Variants in NAGLU observed in about 807,000 individuals in gnomAD.
NAGLU encodes the protein N-acetyl-alpha-glucosaminidase.
A neutral mutation model predicts 43.4 loss-of-function variants in NAGLU; 34 were observed. That is an observed-to-expected ratio of 0.78 (90% CI 0.60 to 1.04). NAGLU has a LOEUF of 1.04. Among genes scored for constraint, NAGLU ranks in the 50% least tolerant of loss-of-function variants. The pLI is 0.00. For synonymous variants in NAGLU, 425 were observed against 437.6 expected (o/e 0.97, Z 0.36); for missense variants, 910 against 993.7 (o/e 0.92, Z 1.13).
intron 1 of NAGLU, chr17:42,536,913 C>A: frequency 1.4e-6 from 1 of 729,168 alleles, no homozygotes; most frequent in Non-Finnish European, 2.1e-6. Context: ...ATTTGTGGTG[C>A]ACAATTGGTG....
intron 1 of NAGLU, 141 bp downstream of exon 1, chr17:42,536,796 G>T (rs1292311944): frequency 7.5e-7 from 1 of 1,327,380 alleles, no homozygotes; most frequent in East Asian, 3.1e-5. Context: ...GTGGCCTTGA[G>T]CCAGCCACTC....
intron 5 of NAGLU, 132 bp downstream of exon 5, chr17:42,541,338 A>C: frequency 7.4e-7 from 1 of 1,342,798 alleles, no homozygotes; most frequent in Non-Finnish European, 1.0e-6. Context: ...TAGTTTACCA[A>C]GCACGTGTAC....
chr17:42,536,665 C>G lies in NAGLU; in HGVS notation c.383+10C>G, dbSNP rs1599254060. 6.7e-7 allele frequency: 1 copy of G among 1,489,248 alleles called. No homozygotes were observed. Among genetic ancestry groups the G allele is most frequent in the East Asian group, 2.7e-5 (1 of 36,414 alleles). 92.3% of individuals were successfully genotyped at this position (1,489,248 alleles called of 1,614,324 possible). On this transcript the variant is annotated intron_variant, in intron 1 of 5. Transcript: ENST00000225927. The stretch of plus-strand genomic sequence containing the variant: ...AGGCCACGCCCAACAGGTACCGCCC[C>G]GAAGCTTCCCCGCGTCCGCCCGAGG...
At position 42,543,621 on chromosome 17, in the gene NAGLU, G is replaced by A; in HGVS notation, c.1615G>A (p.Ala539Thr). Residue 539 changes from alanine (A) to threonine (T), a missense_variant, in exon 6 of 6, where the codon GCC becomes ACC. By Grantham distance (58) the Ala-to-Thr change is moderately conservative. Coordinates refer to ENST00000225927, the MANE Select transcript of NAGLU (RefSeq NM_000263.4). ...GTACAACCGATCTGATGTGTTTGAG[G>A]CCTGGCGGCTGCTGCTCACATCTGC... ...IWYNRSDVFE[A>T]WRLLLTSAPS... The A allele has an allele frequency of 6.2e-7, 1 of 1,613,134 alleles. No individual in the cohort carries two copies. The highest frequency in any genetic ancestry group is 8.5e-7 in the Non-Finnish European group (1 of 1,180,014).
chr17:42,536,729 G>A, intron 1 of NAGLU, 74 bp downstream of exon 1: 4 of 1,360,306 alleles, frequency 2.9e-6, no homozygotes, highest in Non-Finnish European at 3.8e-6. Context: ...CCCAAATCGG[G>A]AGGCTGAGCG....
Position 42,544,017 on chromosome 17 carries a change from T to G in NAGLU, c.2011T>G (p.Tyr671Asp). Reference sequence around the variant, plus strand: ...GCTGGCGGGGTTGGTGGCCAACTACTACACCCCTCGCTGGCGGCTTTTCCT... The same window carrying G: ...GCTGGCGGGGTTGGTGGCCAACTACGACACCCCTCGCTGGCGGCTTTTCCT... Reference protein sequence around the residue: ...KQLAGLVANYYTPRWRLFLEA... With the variant: ...KQLAGLVANYDTPRWRLFLEA... The change falls in exon 6 of 6, where the codon TAC becomes GAC. Residue 671 changes from tyrosine to aspartate, a missense_variant. Coordinates refer to ENST00000225927, the MANE Select transcript of NAGLU (RefSeq NM_000263.4). The G allele has an allele frequency of 6.2e-7, 1 of 1,611,074 alleles. No individual in the cohort carries two copies. The highest frequency in any genetic ancestry group is 8.5e-7 in the Non-Finnish European group (1 of 1,178,708).
chr17:42,544,184 G>T lies in NAGLU; in HGVS notation c.2178G>T (p.Leu726=). 6.2e-7 allele frequency: 1 copy of T among 1,613,090 alleles called. No individual in the cohort carries two copies. Residue 726 remains leucine, a synonymous_variant, in exon 6 of 6, where the codon CTG becomes CTT. Coordinates refer to ENST00000225927, the MANE Select transcript of NAGLU (RefSeq NM_000263.4). ...PSQPRGDTVD[L]AKKIFLKYYP... ...AGCCGCGAGGAGACACTGTGGACCT[G>T]GCCAAGAAGATCTTCCTCAAATATT...
chr17:42,537,315 T>C, intron 1 of NAGLU, 83 bp from the exon 2 acceptor site: 1 of 1,599,048 alleles, frequency 6.3e-7, no homozygotes, highest in Non-Finnish European at 8.6e-7. Flanking sequence ...TCCCCTCTCC[T>C]CTAGGTGGGG....
chr17:42,537,716 G>A (rs1264233396), intron 2 of NAGLU, among the ~76,000 whole-genome samples, 171 bp downstream of exon 2: 1 of 152,164 alleles, frequency 6.6e-6, no homozygotes, highest in Non-Finnish European at 1.5e-5. Context: ...GGTGGCTCAC[G>A]CCTGTCATCC....
intron 1 of NAGLU, chr17:42,537,177 C>G (rs2092908673): frequency 1.6e-6 from 1 of 610,114 alleles, no homozygotes; most frequent in South Asian, 1.9e-5. Context: ...ACCCAAATAC[C>G]CGCCAGGCTA....
chr17:42,537,439 T>G lies in NAGLU; in HGVS notation c.425T>G (p.Phe142Cys). Residue 142 changes from phenylalanine to cysteine, a missense_variant, in exon 2 of 6, where the codon TTC (phenylalanine) becomes TGC (cysteine). Coordinates refer to ENST00000225927, the MANE Select transcript of NAGLU (RefSeq NM_000263.4). ...YQNVCTQSYS[F>C]VWWDWARWER... Reference sequence around the variant, plus strand: ...AATGTGTGCACGCAAAGCTACTCTTTCGTGTGGTGGGACTGGGCCCGCTGG... The same window carrying G: ...AATGTGTGCACGCAAAGCTACTCTTGCGTGTGGTGGGACTGGGCCCGCTGG... 6.2e-7 allele frequency: 1 copy of G among 1,614,212 alleles called. No homozygotes were observed.
In NAGLU at chr17:42,536,264, A is replaced by G. The variant is rs991578389; in HGVS notation, c.-9A>G. ...CCCTGGCCGTCGCGGGACCCGCAGG[A>G]CTGAGACCATGGAGGCGGTGGCGGT... On this transcript the variant is annotated 5_prime_UTR_variant, in exon 1 of 6. Transcript: ENST00000225927. The G allele has an allele frequency of 2.1e-5, 25 of 1,217,820 alleles. No homozygotes were observed. In the African/African-American group the frequency reaches 3.8e-4, roughly 18 times the overall value. The allele number at this position is 1,217,820 out of a possible 1,614,324, so 75.4% of individuals were successfully genotyped here. A position where few individuals can be genotyped will look rare whatever the true frequency, so the allele number is the denominator to read the frequency against.
At position 42,544,254 on chromosome 17, in the gene NAGLU, T is replaced by C. The variant is rs773505079; in HGVS notation, c.*16T>C. ...CTCTTGGTGATAGATTCGCCACCACTGGGCCTTGTTTTCCGCTAATTCCAG... is the reference window on the plus strand; with the variant it reads ...CTCTTGGTGATAGATTCGCCACCACCGGGCCTTGTTTTCCGCTAATTCCAG... On this transcript the variant is annotated 3_prime_UTR_variant, in exon 6 of 6. Transcript: ENST00000225927. 8.7e-6 allele frequency: 14 copies of C among 1,605,696 alleles called. No individual in the cohort carries two copies. Among genetic ancestry groups the C allele is most frequent in the Admixed American group, 3.3e-5 (2 of 59,988 alleles).
chr17:42,540,432 C>T (rs2092918514), intron 4 of NAGLU, among the ~76,000 whole-genome samples: 1 of 150,346 alleles, frequency 6.7e-6, no homozygotes, highest in Non-Finnish European at 1.5e-5. Context: ...TGCGGTGGCC[C>T]ACACCTGTAA....
At position 42,536,527 on chromosome 17, in the gene NAGLU, C is replaced by A; in HGVS notation, c.255C>A (p.Ala85=). 1 of 1,312,284 alleles carries A rather than the reference C, an allele frequency of 7.6e-7. No homozygotes were observed. The highest frequency in any genetic ancestry group is 9.7e-7 in the Non-Finnish European group (1 of 1,032,010). 81.3% of individuals were successfully genotyped at this position (1,312,284 alleles called of 1,614,324 possible). The part of the protein sequence containing the change: ...VRVRGSTGVA[A]AAGLHRYLRD... ...TGCGCGGCTCCACGGGCGTGGCGGC[C>A]GCCGCGGGGCTGCACCGCTACCTGC... Residue 85 remains alanine (A), a synonymous_variant, in exon 1 of 6, where the codon GCC becomes GCA. Transcript: ENST00000225927.
Position 42,536,256 on chromosome 17 carries a change from C to T in NAGLU, c.-17C>T, listed in dbSNP as rs943381354. 13 of 1,217,240 alleles carry T rather than the reference C, an allele frequency of 1.1e-5. No homozygotes were observed. The highest frequency in any genetic ancestry group is 1.3e-5 in the Non-Finnish European group (13 of 978,372). 75.4% of individuals were successfully genotyped at this position (1,217,240 alleles called of 1,614,324 possible). ...GCCCCACCCCCTGGCCGTCGCGGGACCCGCAGGACTGAGACCATGGAGGCG... is the reference window on the plus strand; with the variant it reads ...GCCCCACCCCCTGGCCGTCGCGGGATCCGCAGGACTGAGACCATGGAGGCG... On this transcript the variant is annotated 5_prime_UTR_variant, in exon 1 of 6. Coordinates refer to ENST00000225927, the MANE Select transcript of NAGLU (RefSeq NM_000263.4).
intron 4 of NAGLU, among the ~76,000 whole-genome samples, chr17:42,540,551 C>T (rs1599257887): frequency 6.6e-6 from 1 of 151,748 alleles, no homozygotes; most frequent in South Asian, 2.1e-4. Flanking sequence ...AAAAAATTAG[C>T]CGGGTGTGGT....
At chr17:42,536,689 G>T in intron 1 of NAGLU, 34 bp downstream of exon 1, 1 of 1,430,736 alleles carries the variant, frequency 7.0e-7, no homozygotes, top group Non-Finnish European at 9.2e-7. Context: ...GTCCGCCCGA[G>T]GCGCTTACCC....
chr17:42,541,156 C>G lies in NAGLU; in HGVS notation c.971C>G (p.Pro324Arg). Residue 324 changes from proline (P) to arginine (R), a missense_variant, in exon 5 of 6, where the codon CCC becomes CGC. By Grantham distance (103) the Pro-to-Arg change is moderately radical. Coordinates refer to ENST00000225927, the MANE Select transcript of NAGLU (RefSeq NM_000263.4). ...FNEMQPPSSE[P>R]SYLAAATTAV... ...GAGATGCAGCCACCTTCCTCAGAGC[C>G]CTCCTACCTTGCCGCAGCCACCACT... 1 of 1,613,802 alleles carries G rather than the reference C, an allele frequency of 6.2e-7. No individual in the cohort carries two copies. Among genetic ancestry groups the G allele is most frequent in the Non-Finnish European group, 8.5e-7 (1 of 1,180,034 alleles).
Sources: gnomAD v4.1 joint callset for allele counts (sites outside exome capture counted in the v4.1 genomes callset) on GRCh38, gnomAD v4.1.1 for gene constraint, MANE v1.5 for transcripts, NCBI Gene and HGNC (gene_info 2026-07-23, HGNC 2026-07-21) for gene names.